ZFAND3: variants seen among roughly 807,000 people sequenced by gnomAD.
ZFAND3 encodes zinc finger AN1-type containing 3.
A neutral mutation model predicts 29.6 loss-of-function variants in ZFAND3; 10 were observed. The observed-to-expected ratio is 0.34, with a 90% confidence interval of 0.21 to 0.57. The LOEUF is 0.57. ZFAND3 is among the 20% of genes least tolerant of loss of function. ZFAND3 has a pLI of 0.86. For missense variants in ZFAND3, 230 were observed against 304.5 expected, an observed-to-expected ratio of 0.76 and a Z score of 1.82; for synonymous variants, 128 against 112.6, an observed-to-expected ratio of 1.14 and a Z score of -0.87.
chr6:38,069,035 A>G (rs956527387), intron 3 of ZFAND3, among the ~76,000 whole-genome samples: 1 of 152,224 alleles, frequency 6.6e-6, no homozygotes, highest in African/African-American at 2.4e-5. Context: ...GTCATTGGCT[A>G]CATATCTTCA....
intron 4 of ZFAND3, among the ~76,000 whole-genome samples, chr6:38,105,875 C>A (rs945913077): frequency 1.3e-5 from 2 of 151,866 alleles, no homozygotes; most frequent in Non-Finnish European, 2.9e-5. Context: ...ACAGACAGAC[C>A]AATATTAGGT....
intron 3 of ZFAND3, among the ~76,000 whole-genome samples, chr6:38,079,141 A>G (rs896430481): frequency 6.6e-6 from 1 of 152,154 alleles, no homozygotes; most frequent in African/African-American, 2.4e-5. Flanking sequence ...TGGTGCTGAC[A>G]TGTTCCTGTT....
chr6:37,889,913 A>G (rs940342469), intron 1 of ZFAND3, among the ~76,000 whole-genome samples: 2 of 152,236 alleles, frequency 1.3e-5, no homozygotes, highest in East Asian at 1.9e-4. Flanking sequence ...TTTTTGCAGT[A>G]TGTTAGAAAA....
chr6:37,825,482 A>T (rs771718089), intron 1 of ZFAND3, among the ~76,000 whole-genome samples: 1 of 152,132 alleles, frequency 6.6e-6, no homozygotes, highest in African/African-American at 2.4e-5. Context: ...AGAAAATAGG[A>T]AACTCGTCCC....
At chr6:37,888,553 TC>T (rs1449110674) in intron 1 of ZFAND3, among the ~76,000 whole-genome samples, 1 of 152,224 alleles carries the variant, frequency 6.6e-6, no homozygotes, top group African/African-American at 2.4e-5. Context: ...ATATCCCTTT[TC>T]TTTTTTTCCA....
intron 1 of ZFAND3, among the ~76,000 whole-genome samples, chr6:37,838,833 C>T (rs1280539546): frequency 6.6e-6 from 1 of 152,080 alleles, no homozygotes; most frequent in Admixed American, 6.6e-5. Context: ...ATTTGAATAC[C>T]TAGGAGGGGA....
rs114303789 is a variant in ZFAND3, at chr6:38,021,611, C to T, written c.113-39982C>T. Among the ~76,000 whole-genome samples the T allele has an allele frequency of 3.1e-3, 467 of 152,284 alleles. 3 individuals are homozygous for T. Among genetic ancestry groups the T allele is most frequent in the African/African-American group, 0.011 (445 of 41,548 alleles). On this transcript the variant is annotated intron_variant, in intron 2 of 5. Transcript: ENST00000287218. The stretch of plus-strand genomic sequence containing the variant: ...CTTCCTCTTTTCATGGAATTAATTG[C>T]AGTACCATAATCTGTCTTCTTGTGG...
intron 2 of ZFAND3, among the ~76,000 whole-genome samples, chr6:37,955,692 T>C (rs951513998): frequency 2.0e-5 from 3 of 152,218 alleles, no homozygotes; most frequent in Admixed American, 2.0e-4. Context: ...AAGGAATCAG[T>C]GTAGCTTAAT....
intron 4 of ZFAND3, among the ~76,000 whole-genome samples, chr6:38,087,695 A>G (rs1764785677): frequency 6.6e-6 from 1 of 152,168 alleles, no homozygotes; most frequent in Non-Finnish European, 1.5e-5. Flanking sequence ...AATAACAAGT[A>G]TTGACAAGGA....
chr6:37,959,869 A>C (rs186517236), intron 2 of ZFAND3, among the ~76,000 whole-genome samples: 144 of 152,312 alleles, frequency 9.5e-4, no homozygotes, highest in Non-Finnish European at 1.5e-3. Context: ...GGGCCCATGA[A>C]ACTTGAGAAG....
chr6:38,013,509 A>G (rs1561966303), intron 2 of ZFAND3, among the ~76,000 whole-genome samples: 1 of 152,336 alleles, frequency 6.6e-6, no homozygotes, highest in East Asian at 1.9e-4. Flanking sequence ...CTACAGCCCC[A>G]GAACAACACA....
At chr6:38,075,363 A>G (rs910308530) in intron 3 of ZFAND3, among the ~76,000 whole-genome samples, 1 of 152,182 alleles carries the variant, frequency 6.6e-6, no homozygotes, top group African/African-American at 2.4e-5. Flanking sequence ...CTCATGGATG[A>G]TTTTGAGGGG....
At chr6:38,101,243 TC>T (rs1404108224) in intron 4 of ZFAND3, among the ~76,000 whole-genome samples, 2 of 152,208 alleles carry the variant, frequency 1.3e-5, no homozygotes, top group African/African-American at 4.8e-5. Flanking sequence ...AATGGAGTTC[TC>T]TTTTTTTATA....
chr6:38,068,707 G>A (rs1290670697), intron 3 of ZFAND3, among the ~76,000 whole-genome samples: 1 of 152,064 alleles, frequency 6.6e-6, no homozygotes, highest in Non-Finnish European at 1.5e-5. Context: ...ACATACTTTT[G>A]TTGTAGTAAA....
At chr6:37,984,168 T>C (rs1021381352) in intron 2 of ZFAND3, among the ~76,000 whole-genome samples, 4 of 152,224 alleles carry the variant, frequency 2.6e-5, no homozygotes, top group Admixed American at 6.5e-5. Context: ...ATGTGTCTTA[T>C]ATTTATAAAG....
At chr6:37,963,822 A>G (rs938105419) in intron 2 of ZFAND3, among the ~76,000 whole-genome samples, 4 of 152,166 alleles carry the variant, frequency 2.6e-5, no homozygotes, top group African/African-American at 4.8e-5. Context: ...AGATCTCTCT[A>G]TTGGATATAG....
chr6:38,012,530 C>T (rs773001651), intron 2 of ZFAND3, among the ~76,000 whole-genome samples: 1 of 152,048 alleles, frequency 6.6e-6, no homozygotes, highest in African/African-American at 2.4e-5. Flanking sequence ...AGGTGCGTGC[C>T]ACCACGCCTG....
chr6:38,062,252 T>C (rs1191602222), intron 3 of ZFAND3, among the ~76,000 whole-genome samples: 1 of 152,188 alleles, frequency 6.6e-6, no homozygotes, highest in African/African-American at 2.4e-5. Context: ...TGACTGTTTC[T>C]AAGCATTTAA....
At position 37,932,268 on chromosome 6, in the gene ZFAND3, A is replaced by T. The variant is rs1325002896; in HGVS notation, c.112+2269A>T. 4.6e-5 allele frequency among the ~76,000 whole-genome samples: 7 copies of T among 152,170 alleles called. No homozygotes were observed. In the East Asian group the frequency reaches 1.4e-3, roughly 29 times the overall value. On this transcript the variant is annotated intron_variant, in intron 2 of 5. Transcript: ENST00000287218. ...AGAACGAGACTCTGTCTCAAAAAAAAAAAAATAAATAAATAAAAGGACTGT... is the reference window on the plus strand; with the variant it reads ...AGAACGAGACTCTGTCTCAAAAAAATAAAAATAAATAAATAAAAGGACTGT...
Sources: gnomAD v4.1 joint callset for allele counts (sites outside exome capture counted in the v4.1 genomes callset) on GRCh38, gnomAD v4.1.1 for gene constraint, MANE v1.5 for transcripts, NCBI Gene and HGNC (gene_info 2026-07-23, HGNC 2026-07-21) for gene names.